Variants in SAMD3 observed in about 807,000 individuals in gnomAD.
The protein encoded by SAMD3 is sterile alpha motif domain-containing protein 3.
A neutral mutation model predicts 58.5 loss-of-function variants in SAMD3; 63 were observed. The ratio of observed to expected loss-of-function variants is 1.08; its 90% CI spans 0.88 to 1.33. The LOEUF is 1.33. Among genes scored for constraint, SAMD3 ranks in the 40% most tolerant of loss-of-function variants. The pLI, the probability that SAMD3 is intolerant of heterozygous loss-of-function variation, is 0.00. For synonymous variants in SAMD3, 220 were observed against 210.3 expected (o/e 1.05, Z -0.40); for missense variants, 604 against 608.4 (o/e 0.99, Z 0.08).
intron 5 of SAMD3, among the ~76,000 whole-genome samples, chr6:130,195,865 G>T (rs572266484): frequency 6.6e-6 from 1 of 152,224 alleles, no homozygotes; most frequent in African/African-American, 2.4e-5. Flanking sequence ...GGCATGGTTA[G>T]ATACTTTCGA....
At chr6:130,299,252 A>G (rs1187662733) in intron 2 of SAMD3, among the ~76,000 whole-genome samples, 1 of 152,164 alleles carries the variant, frequency 6.6e-6, no homozygotes. Flanking sequence ...CTGAAATCAT[A>G]TCATATCAAG....
At chr6:130,263,696 A>G (rs1174698398) in intron 2 of SAMD3, among the ~76,000 whole-genome samples, 4 of 152,152 alleles carry the variant, frequency 2.6e-5, no homozygotes, top group Non-Finnish European at 5.9e-5. Flanking sequence ...ATTGCATCTA[A>G]TGCTTGCCTT....
chr6:130,284,686 T>C (rs1407193373), intron 2 of SAMD3, among the ~76,000 whole-genome samples: 3 of 152,160 alleles, frequency 2.0e-5, no homozygotes, highest in African/African-American at 7.2e-5. Context: ...TGAGAAAAAG[T>C]TGACCAGGTA....
At chr6:130,365,611 G>A, upstream of SAMD3, 1 of 985,474 alleles carries the variant, frequency 1.0e-6, no homozygotes, top group Non-Finnish European at 1.2e-6. Context: ...GGGGAGCCGG[G>A]TCCCTGGCTC....
chr6:130,252,336 C>T (rs990186), intron 2 of SAMD3, among the ~76,000 whole-genome samples: 29,119 of 151,962 alleles, frequency 0.19, 2,926 homozygotes, highest in East Asian at 0.36. Flanking sequence ...TTAGAGTAAG[C>T]TTTTTTCTCT....
chr6:130,292,435 C>T (rs538784473), intron 2 of SAMD3, among the ~76,000 whole-genome samples: 10 of 151,536 alleles, frequency 6.6e-5, no homozygotes, highest in Non-Finnish European at 1.3e-4. Context: ...TCCAGACATG[C>T]GCCACCATGC....
chr6:130,324,786 G>A (rs374863511), intron 1 of SAMD3, among the ~76,000 whole-genome samples: 21 of 131,548 alleles, frequency 1.6e-4, no homozygotes, highest in African/African-American at 6.7e-4. Context: ...TTTTTTTTTT[G>A]GAATAGAAAA....
intron 7 of SAMD3, among the ~76,000 whole-genome samples, chr6:130,180,287 ATTTTTTTTT>A (rs56155412): frequency 8.6e-5 from 6 of 69,436 alleles, no homozygotes; most frequent in Admixed American, 1.9e-4. Context: ...TACCTGGCTA[ATTTTTTTTT>A]TTTTTTTTTT....
At chr6:130,143,703 A>C (rs1220469682), downstream of SAMD3, 1 of 152,228 alleles carries the variant, frequency 6.6e-6, no homozygotes, top group African/African-American at 2.4e-5. Flanking sequence ...AGTCATGTTG[A>C]TATTTTGATA....
intron 2 of SAMD3, among the ~76,000 whole-genome samples, chr6:130,268,948 A>C (rs1488488324): frequency 6.6e-6 from 1 of 152,156 alleles, no homozygotes; most frequent in African/African-American, 2.4e-5. Flanking sequence ...GCTCAGCAAA[A>C]GTTTTAAATT....
At chr6:130,269,770 C>T (rs1774493880) in intron 2 of SAMD3, among the ~76,000 whole-genome samples, 1 of 151,276 alleles carries the variant, frequency 6.6e-6, no homozygotes, top group South Asian at 2.1e-4. Flanking sequence ...GTTTATTTTA[C>T]TCCTCTTTTT....
chr6:130,242,537 T>C (rs1445808462), intron 2 of SAMD3, among the ~76,000 whole-genome samples: 1 of 152,184 alleles, frequency 6.6e-6, no homozygotes, highest in Non-Finnish European at 1.5e-5. Flanking sequence ...GTCAAACAGG[T>C]AATACATTAG....
At chr6:130,207,098 C>T (rs1482075999) in intron 5 of SAMD3, among the ~76,000 whole-genome samples, 1 of 149,136 alleles carries the variant, frequency 6.7e-6, no homozygotes, top group African/African-American at 2.5e-5. Context: ...GCAGTGAGCC[C>T]TGATTGCATC....
intron 2 of SAMD3, among the ~76,000 whole-genome samples, chr6:130,295,996 C>CT (rs2114969362): frequency 6.6e-6 from 1 of 152,312 alleles, no homozygotes; most frequent in Non-Finnish European, 1.5e-5. Flanking sequence ...TTTCTCCTGC[C>CT]TTGCCTTCTC....
chr6:130,359,823 G>A (rs1777934177), intron 1 of SAMD3, among the ~76,000 whole-genome samples: 1 of 152,140 alleles, frequency 6.6e-6, no homozygotes, highest in Non-Finnish European at 1.5e-5. Flanking sequence ...GTGAAGGAGT[G>A]GTAAGGCTGG....
rs567849002 is a variant in SAMD3 at position 130,330,640 on chromosome 6, C to G, written c.-303-17547G>C. ...AAAGAAGAATTATGTAACTGATACT[C>G]CTGAGCTAGAAGAACTAAGAAGCCA... On this transcript the variant is annotated intron_variant, in intron 1 of 13. Transcript: ENST00000368134. Among the ~76,000 whole-genome samples, 7 of 152,190 alleles carry G rather than the reference C, an allele frequency of 4.6e-5. No individual in the cohort carries two copies. The South Asian group carries it at 1.5e-3, about 32-fold the overall frequency.
At chr6:130,200,119 TA>T (rs1794510815) in intron 5 of SAMD3, among the ~76,000 whole-genome samples, 1 of 152,138 alleles carries the variant, frequency 6.6e-6, no homozygotes, top group Non-Finnish European at 1.5e-5. Flanking sequence ...AAAAAACTTT[TA>T]AATCTTCCCA....
At chr6:130,331,875 A>C (rs965779122) in intron 1 of SAMD3, among the ~76,000 whole-genome samples, 1 of 152,172 alleles carries the variant, frequency 6.6e-6, no homozygotes, top group East Asian at 1.9e-4. Flanking sequence ...TTCTCTTAAG[A>C]GGTGACATTT....
At chr6:130,314,351 A>G (rs1776287480) in intron 1 of SAMD3, among the ~76,000 whole-genome samples, 1 of 152,214 alleles carries the variant, frequency 6.6e-6, no homozygotes, top group Non-Finnish European at 1.5e-5. Context: ...ACCTTTAAGC[A>G]AGACAGTATT....
Sources: allele counts gnomAD v4.1 joint callset (sites outside exome capture counted in the v4.1 genomes callset), GRCh38; gene constraint gnomAD v4.1.1; transcripts MANE v1.5; gene names NCBI Gene and HGNC (gene_info 2026-07-23, HGNC 2026-07-21).